Variants in TTC8 observed in about 807,000 individuals in gnomAD.
TTC8 encodes tetratricopeptide repeat domain 8.
Under a neutral mutation model 72.5 loss-of-function variants are expected in TTC8, and 47 were observed. The ratio of observed to expected loss-of-function variants is 0.65; its 90% CI spans 0.51 to 0.83. The LOEUF is 0.83. Ranked by LOEUF, TTC8 falls within the 40% of genes least tolerant of loss-of-function variation. The pLI, the probability that TTC8 is intolerant of heterozygous loss-of-function variation, is 0.00. For missense variants in TTC8, 611 were observed against 623.2 expected (o/e 0.98, Z 0.21); for synonymous variants, 199 against 221.4 (o/e 0.90, Z 0.90).
chr14:88,852,474 G>C (rs1294843450), intron 7 of TTC8, among the ~76,000 whole-genome samples: 1 of 152,124 alleles, frequency 6.6e-6, no homozygotes, highest in African/African-American at 2.4e-5. Flanking sequence ...AAATACTCCA[G>C]CTCCTTTCAC....
chr14:88,825,170 G>A (rs543980076), intron 1 of TTC8, among the ~76,000 whole-genome samples: 114 of 152,330 alleles, frequency 7.5e-4, no homozygotes, highest in African/African-American at 2.5e-3. Context: ...CTCTCAGCGT[G>A]TGCGTTGTTA....
intron 8 of TTC8, among the ~76,000 whole-genome samples, chr14:88,853,629 G>A (rs1221071652): frequency 6.6e-6 from 1 of 152,178 alleles, no homozygotes; most frequent in Non-Finnish European, 1.5e-5. Context: ...ACAAGAATTT[G>A]AGCTCCCTTT....
At chr14:88,846,317 A>G (rs1454733430) in intron 7 of TTC8, among the ~76,000 whole-genome samples, 1 of 151,896 alleles carries the variant, frequency 6.6e-6, no homozygotes, top group African/African-American at 2.4e-5. Context: ...ACAGGGTGAA[A>G]CTCTGTCTCA....
rs1207438337 is a variant in TTC8 at position 88,871,281 on chromosome 14, T to C, written c.1050-268T>C. Among the ~76,000 whole-genome samples, 1 of 152,242 alleles carries C rather than the reference T, an allele frequency of 6.6e-6. No individual in the cohort carries two copies. The highest frequency in any genetic ancestry group is 2.4e-5 in the African/African-American group (1 of 41,464). The stretch of plus-strand genomic sequence containing the variant: ...TTGTGACTATTTCTTATTTTGGTTC[T>C]CTAACAAAGCATTTGGGGAGAAAAC... On this transcript the variant is annotated intron_variant, in intron 11 of 14. Transcript: ENST00000380656. The surrounding 1 kb of genome is among the most constrained non-coding windows in gnomAD (Gnocchi z 4.1).
intron 7 of TTC8, among the ~76,000 whole-genome samples, chr14:88,845,741 T>G (rs997529693): frequency 1.3e-5 from 2 of 152,206 alleles, no homozygotes; most frequent in Admixed American, 1.3e-4. Flanking sequence ...TTTGGAAGAT[T>G]AATGCATATC....
At chr14:88,858,321 GA>G (rs889065834) in intron 9 of TTC8, among the ~76,000 whole-genome samples, 6 of 152,152 alleles carry the variant, frequency 3.9e-5, no homozygotes, top group African/African-American at 1.4e-4. Flanking sequence ...TACTTTGAAA[GA>G]AAAACACAAG....
chr14:88,865,633 A>T (rs1057167335), intron 10 of TTC8, among the ~76,000 whole-genome samples: 3 of 152,120 alleles, frequency 2.0e-5, no homozygotes, highest in Non-Finnish European at 4.4e-5. Flanking sequence ...GTGCCATTGC[A>T]CTCCAGTCTG....
At position 88,877,638 on chromosome 14, in the gene TTC8, A is replaced by G. The variant is rs1038237783; in HGVS notation, c.*228A>G. The stretch of plus-strand genomic sequence containing the variant: ...AAAATACAGGATTTAAACCTTTCTA[A>G]ATAGATCCTGAAACTGTCTCTCACA... On this transcript the variant is annotated 3_prime_UTR_variant, in exon 15 of 15. Transcript: ENST00000380656. 2.6e-6 allele frequency: 1 copy of G among 387,162 alleles called. No individual in the cohort carries two copies. Among genetic ancestry groups the G allele is most frequent in the African/African-American group, 2.1e-5 (1 of 48,574 alleles). The allele number at this position is 387,162 out of a possible 1,614,324, so 24.0% of individuals were successfully genotyped here.
chr14:88,879,432 A>G (rs2094967135), downstream of TTC8: 1 of 152,120 alleles, frequency 6.6e-6, no homozygotes, highest in Non-Finnish European at 1.5e-5. Context: ...CATATTTCCA[A>G]CTGATGAAAA....
chr14:88,843,905 G>A, intron 7 of TTC8, 55 bp downstream of exon 7: 1 of 1,284,540 alleles, frequency 7.8e-7, no homozygotes, highest in Non-Finnish European at 1.1e-6. Context: ...GACTTTGGAA[G>A]TTTAGATTCT....
At chr14:88,860,968 T>TA (rs1276866059) in intron 9 of TTC8, among the ~76,000 whole-genome samples, 6 of 152,074 alleles carry the variant, frequency 3.9e-5, no homozygotes, top group African/African-American at 1.4e-4. Flanking sequence ...CATGCCCAGC[T>TA]AATTTTTGTA....
chr14:88,866,594 A>G (rs151072126), intron 10 of TTC8, among the ~76,000 whole-genome samples: 121 of 152,256 alleles, frequency 7.9e-4, no homozygotes, highest in African/African-American at 2.7e-3. Flanking sequence ...TTCCAGCTGC[A>G]TTGACTATAC....
At chr14:88,848,018 G>T (rs1408526418) in intron 7 of TTC8, among the ~76,000 whole-genome samples, 1 of 151,284 alleles carries the variant, frequency 6.6e-6, no homozygotes, top group African/African-American at 2.4e-5. Context: ...AGCTACTCAG[G>T]AGGCTGAGGC....
intron 7 of TTC8, among the ~76,000 whole-genome samples, chr14:88,845,179 G>T (rs553324421): frequency 6.6e-6 from 1 of 152,256 alleles, no homozygotes; most frequent in South Asian, 2.1e-4. Context: ...GAAAATTGGA[G>T]TTCCACAGAG....
intron 9 of TTC8, among the ~76,000 whole-genome samples, chr14:88,860,160 A>G (rs968089328): frequency 8.6e-5 from 13 of 151,328 alleles, no homozygotes; most frequent in African/African-American, 2.2e-4. Flanking sequence ...TCAATAGTGT[A>G]TAAGGTAAAA....
At chr14:88,833,318 A>G (rs1021891991) in intron 1 of TTC8, among the ~76,000 whole-genome samples, 1 of 152,184 alleles carries the variant, frequency 6.6e-6, no homozygotes, top group African/African-American at 2.4e-5. Context: ...TCCTTAAGTG[A>G]TTAAAGTCTG....
intron 1 of TTC8, among the ~76,000 whole-genome samples, chr14:88,829,532 C>T (rs2094716767): frequency 1.3e-5 from 2 of 152,142 alleles, no homozygotes; most frequent in Non-Finnish European, 2.9e-5. Context: ...GTTTTTCAGG[C>T]AGTGGGATTT....
chr14:88,839,751 G>A (rs1595939819), intron 3 of TTC8, among the ~76,000 whole-genome samples, 179 bp downstream of exon 3: 2 of 152,002 alleles, frequency 1.3e-5, no homozygotes, highest in African/African-American at 4.8e-5. Flanking sequence ...TCTGCCTTAT[G>A]GTACAAAGGC....
At chr14:88,828,950 T>A (rs1256555695) in intron 1 of TTC8, among the ~76,000 whole-genome samples, 1 of 152,244 alleles carries the variant, frequency 6.6e-6, no homozygotes, top group Non-Finnish European at 1.5e-5. Context: ...AGAGGTATGA[T>A]GTACTATGCA....
Sources: allele counts gnomAD v4.1 joint callset (sites outside exome capture counted in the v4.1 genomes callset), GRCh38; gene constraint gnomAD v4.1.1; non-coding constraint Gnocchi (gnomAD v3.1); transcripts MANE v1.5; gene names NCBI Gene and HGNC (gene_info 2026-07-23, HGNC 2026-07-21).